Variants in ATP9A observed in about 807,000 individuals in gnomAD.
ATP9A encodes the protein probable phospholipid-transporting ATPase IIA.
A neutral mutation model predicts 144.1 loss-of-function variants in ATP9A; 52 were observed. The observed-to-expected ratio is 0.36, with a 90% confidence interval of 0.29 to 0.45. ATP9A has a LOEUF of 0.45. Ranked by LOEUF, ATP9A falls within the 20% of genes least tolerant of loss-of-function variation. The pLI is 1.00. For synonymous variants in ATP9A, 582 were observed against 557.4 expected (o/e 1.04, Z -0.62); for missense variants, 947 against 1,392.7 (o/e 0.68, Z 5.09).
intron 18 of ATP9A, among the ~76,000 whole-genome samples, chr20:51,623,797 AAAAAAAAG>A (rs1264678368): frequency 9.5e-5 from 10 of 105,204 alleles, no homozygotes; most frequent in African/African-American, 4.5e-4. Flanking sequence ...CAAAAAAAAA[AAAAAAAAG>A]AAAGAAAGAA....
At position 51,666,028 on chromosome 20, in the gene ATP9A, C is replaced by T. The variant is rs540338847; in HGVS notation, c.1293+3969G>A. Among the ~76,000 whole-genome samples the T allele has an allele frequency of 1.1e-3, 169 of 152,320 alleles. 1 individual carries two copies. The highest frequency in any genetic ancestry group is 6.8e-3 in the Middle Eastern group (2 of 294). On this transcript the variant is annotated intron_variant, in intron 13 of 27. Coordinates refer to ENST00000338821, the MANE Select transcript of ATP9A (RefSeq NM_006045.3). ...AATTCCAGCCCCTTCCGCAGGACAC[C>T]TCAAGGACCGGACCTGACAAGTACC...
intron 22 of ATP9A, among the ~76,000 whole-genome samples, chr20:51,615,256 T>C (rs1292105960): frequency 6.6e-6 from 1 of 152,198 alleles, no homozygotes; most frequent in Non-Finnish European, 1.5e-5. Flanking sequence ...TAGTAACAAT[T>C]GGCCAAAGTG....
chr20:51,674,251 C>G lies in ATP9A; in HGVS notation c.939G>C (p.Val313=). 6.2e-7 allele frequency: 1 copy of G among 1,613,954 alleles called. No homozygotes were observed. Among genetic ancestry groups the G allele is most frequent in the Non-Finnish European group, 8.5e-7 (1 of 1,180,008 alleles). Residue 313 remains valine, a synonymous_variant, in exon 11 of 28, where the codon GTG becomes GTC. Transcript: ENST00000338821. ...GAAGGGCAACCATGACCAGCGAGAC[C>G]ACCACCAGGGCACCAAAGAGGATCT... ...LTKILFGALV[V]VSLVMVALQH...
intron 1 of ATP9A, among the ~76,000 whole-genome samples, chr20:51,763,482 T>C (rs907937638): frequency 9.2e-5 from 14 of 151,854 alleles, no homozygotes; most frequent in Non-Finnish European, 1.6e-4. Context: ...CCAGCTAATT[T>C]TTTGTATTTT....
At chr20:51,736,771 T>C (rs1459350702) in intron 1 of ATP9A, among the ~76,000 whole-genome samples, 2 of 151,636 alleles carry the variant, frequency 1.3e-5, no homozygotes, top group Non-Finnish European at 2.9e-5. Context: ...AACTGTTATA[T>C]TAACAACAAC....
chr20:51,760,763 G>A (rs1270896793), intron 1 of ATP9A, among the ~76,000 whole-genome samples: 2 of 141,656 alleles, frequency 1.4e-5, no homozygotes, highest in Non-Finnish European at 3.0e-5. Flanking sequence ...AGTGGCTCAC[G>A]CCTGTAATCG....
intron 6 of ATP9A, among the ~76,000 whole-genome samples, chr20:51,695,480 A>AC (rs1474024537): frequency 4.6e-5 from 7 of 151,530 alleles, no homozygotes; most frequent in Middle Eastern, 3.4e-3. Flanking sequence ...AAAAAAAAAA[A>AC]AAAACTAAGG....
rs1365916304 is a variant in ATP9A at position 51,767,968 on chromosome 20, C to T, written c.68+334G>A. ...TTACGGACAGATATTAATTACGGAA[C>T]AATAAAACGGTGAGAAAGCACGGCT... is the stretch of plus-strand genomic sequence containing the variant. On this transcript the variant is annotated intron_variant, in intron 1 of 27. Transcript: ENST00000338821. Among the ~76,000 whole-genome samples, 3 of 152,190 alleles carry T rather than the reference C, an allele frequency of 2.0e-5. No individual in the cohort carries two copies. In the East Asian group the frequency reaches 5.8e-4, roughly 29 times the overall value.
intron 4 of ATP9A, among the ~76,000 whole-genome samples, chr20:51,705,830 T>G (rs1457768393): frequency 6.6e-6 from 1 of 152,236 alleles, no homozygotes; most frequent in Non-Finnish European, 1.5e-5. Flanking sequence ...CCCAATTCTC[T>G]TGAGTAACAA....
At chr20:51,681,768 A>G (rs1200429045) in intron 9 of ATP9A, among the ~76,000 whole-genome samples, 1 of 152,218 alleles carries the variant, frequency 6.6e-6, no homozygotes, top group Non-Finnish European at 1.5e-5. Context: ...TTGTGGGCAC[A>G]TGCATCTGTC....
chr20:51,633,224 C>A (rs1289830750), intron 15 of ATP9A, among the ~76,000 whole-genome samples: 2 of 152,096 alleles, frequency 1.3e-5, no homozygotes, highest in Non-Finnish European at 2.9e-5. Flanking sequence ...ATTCTTTCAA[C>A]AGAACGCTGC....
chr20:51,702,939 T>A (rs1489927043), intron 4 of ATP9A, among the ~76,000 whole-genome samples: 1 of 152,076 alleles, frequency 6.6e-6, no homozygotes, highest in Non-Finnish European at 1.5e-5. Flanking sequence ...GAAAAGAAAA[T>A]GCCCTCCTAA....
At chr20:51,656,262 A>C (rs1312586693) in intron 14 of ATP9A, among the ~76,000 whole-genome samples, 1 of 152,156 alleles carries the variant, frequency 6.6e-6, no homozygotes, top group Non-Finnish European at 1.5e-5. Flanking sequence ...TATATTAAGA[A>C]GCCATACTCA....
rs779704144 is a variant in ATP9A at position 51,625,355 on chromosome 20, T to G, written c.1853A>C (p.Tyr618Ser). ...EEQYQDFEAR[Y>S]VQAKLSVHDR... Reference sequence around the variant, plus strand: ...GTGCACACTCAGCTTGGCCTGGACGTAGCGGGCCTGGGACACACCAGCAGA... The same window carrying G: ...GTGCACACTCAGCTTGGCCTGGACGGAGCGGGCCTGGGACACACCAGCAGA... Residue 618 changes from tyrosine to serine, a missense_variant, in exon 18 of 28, where the codon TAC (tyrosine) becomes TCC (serine). Tyr to Ser is a moderately radical substitution (Grantham distance 144). Transcript: ENST00000338821. 1.7e-5 allele frequency: 28 copies of G among 1,613,476 alleles called. No homozygotes were observed. Among genetic ancestry groups the G allele is most frequent in the Non-Finnish European group, 2.3e-5 (27 of 1,179,680 alleles).
intron 9 of ATP9A, among the ~76,000 whole-genome samples, chr20:51,688,630 G>C (rs543040293): frequency 3.4e-4 from 52 of 152,056 alleles, no homozygotes; most frequent in African/African-American, 1.3e-3. Flanking sequence ...AAAAGAAAAA[G>C]AAAGGCACCA....
chr20:51,654,484 C>T (rs1368247334), intron 14 of ATP9A, among the ~76,000 whole-genome samples: 9 of 151,808 alleles, frequency 5.9e-5, no homozygotes, highest in Non-Finnish European at 5.9e-5. Flanking sequence ...TGGGATTCCT[C>T]CCAATGTTGG....
intron 13 of ATP9A, among the ~76,000 whole-genome samples, chr20:51,666,685 A>C (rs2077434455): frequency 6.6e-6 from 1 of 151,700 alleles, no homozygotes; most frequent in African/African-American, 2.4e-5. Flanking sequence ...GTCTTAAAAA[A>C]AAAAAAAAAA....
chr20:51,727,258 G>A (rs1031589250), intron 2 of ATP9A, among the ~76,000 whole-genome samples: 7 of 149,962 alleles, frequency 4.7e-5, no homozygotes, highest in Admixed American at 3.3e-4. Context: ...CTGGGTGACA[G>A]AGCAAAACTC....
chr20:51,741,307 G>A (rs1038805837), intron 1 of ATP9A, among the ~76,000 whole-genome samples: 6 of 152,274 alleles, frequency 3.9e-5, no homozygotes, highest in Non-Finnish European at 5.9e-5. Flanking sequence ...CAGGCCAGGC[G>A]CGGTGGCTCA....
Sources: gnomAD v4.1 joint callset for allele counts (sites outside exome capture counted in the v4.1 genomes callset) on GRCh38, gnomAD v4.1.1 for gene constraint, MANE v1.5 for transcripts, NCBI Gene and HGNC (gene_info 2026-07-23, HGNC 2026-07-21) for gene names.